Variants in ANKIB1 observed in about 807,000 individuals in gnomAD.
ANKIB1 encodes ankyrin repeat and IBR domain containing 1.
ANKIB1 carries 43 observed loss-of-function variants against 122.1 expected under a neutral mutation model. The observed-to-expected ratio is 0.35, with a 90% CI of 0.28 to 0.45. ANKIB1 has a LOEUF of 0.45. ANKIB1 is among the 20% of genes least tolerant of loss of function. The pLI is 1.00. For synonymous variants in ANKIB1, 390 were observed against 442.0 expected (o/e 0.88, Z 1.48); for missense variants, 992 against 1,329.5 (o/e 0.75, Z 3.95).
At chr7:92,267,029 T>TA (rs1415526454) in intron 1 of ANKIB1, among the ~76,000 whole-genome samples, 1 of 152,114 alleles carries the variant, frequency 6.6e-6, no homozygotes, top group African/African-American at 2.4e-5. Flanking sequence ...CTGATCTTGA[T>TA]AAACAGTCAG....
chr7:92,361,439 T>A (rs1342150105), intron 9 of ANKIB1, among the ~76,000 whole-genome samples: 2 of 152,212 alleles, frequency 1.3e-5, no homozygotes, highest in Admixed American at 6.5e-5. Flanking sequence ...TTTGGTAATT[T>A]TGATAAAATA....
At chr7:92,249,127 A>G (rs1722310824) in intron 1 of ANKIB1, among the ~76,000 whole-genome samples, 1 of 152,056 alleles carries the variant, frequency 6.6e-6, no homozygotes, top group African/African-American at 2.4e-5. Flanking sequence ...AACTCAGGTG[A>G]TCCGCCTGCC....
At chr7:92,274,876 G>A (rs1030440249) in intron 1 of ANKIB1, among the ~76,000 whole-genome samples, 7 of 152,170 alleles carry the variant, frequency 4.6e-5, no homozygotes, top group Non-Finnish European at 1.0e-4. Flanking sequence ...GCAGTGAGCT[G>A]TGATAGCACC....
At chr7:92,319,977 G>A (rs1802871933) in intron 4 of ANKIB1, 1 of 153,386 alleles carries the variant, frequency 6.5e-6, no homozygotes, top group African/African-American at 2.4e-5. Context: ...GAAACCTGGA[G>A]CTATGGGTCT....
At position 92,344,227 on chromosome 7, in the gene ANKIB1, G is replaced by A. The variant is rs146288085; in HGVS notation, c.997-751G>A. 6.0e-3 allele frequency among the ~76,000 whole-genome samples: 676 copies of A among 112,136 alleles called. 12 individuals carry two copies. The highest frequency in any genetic ancestry group is 0.022 in the African/African-American group (621 of 28,336). 73.6% of individuals were successfully genotyped at this position (112,136 alleles called of 152,430 possible). On this transcript the variant is annotated intron_variant, in intron 6 of 19. Transcript: ENST00000265742. ...TTTTTTTTTTTTTTTTTTTTGAGAC[G>A]GAGTTTCACTCTTGTTGCCGAGGCT... is the stretch of plus-strand genomic sequence containing the variant.
At chr7:92,359,700 TTCC>T (rs1803900151) in intron 9 of ANKIB1, among the ~76,000 whole-genome samples, 1 of 152,176 alleles carries the variant, frequency 6.6e-6, no homozygotes, top group African/African-American at 2.4e-5. Context: ...TGTAAAAGCG[TTCC>T]TATTTTTCCA....
At chr7:92,373,269 G>A (rs1804313293) in intron 11 of ANKIB1, among the ~76,000 whole-genome samples, 1 of 152,042 alleles carries the variant, frequency 6.6e-6, no homozygotes, top group African/African-American at 2.4e-5. Flanking sequence ...ATCTGATATA[G>A]ACTACATAGA....
chr7:92,358,402 C>G (rs1330994662), intron 9 of ANKIB1, among the ~76,000 whole-genome samples: 1 of 152,124 alleles, frequency 6.6e-6, no homozygotes, highest in East Asian at 1.9e-4. Flanking sequence ...GCTGATTGGG[C>G]TCACAACCAA....
chr7:92,246,087 G>A lies in ANKIB1; in HGVS notation c.-523G>A, dbSNP rs983338906. 2 of 282,694 alleles carry A rather than the reference G, an allele frequency of 7.1e-6. No homozygotes were observed. The highest frequency in any genetic ancestry group is 1.2e-3 in the Middle Eastern group (1 of 826). 17.5% of individuals were successfully genotyped at this position (282,694 alleles called of 1,614,324 possible). A position where few individuals can be genotyped will look rare whatever the true frequency, so the allele number is the denominator to read the frequency against. ...GGGTGGTGGCGGTGGGGGTGCCAGC[G>A]GCTGAGCCGGAGCCGGAGCCGGAGG... On this transcript the variant is annotated 5_prime_UTR_variant, in exon 1 of 20. Transcript: ENST00000265742.
At chr7:92,319,708 C>T in intron 4 of ANKIB1, 196 bp downstream of exon 4, 1 of 548,696 alleles carries the variant, frequency 1.8e-6, no homozygotes, top group Non-Finnish European at 3.0e-6. Flanking sequence ...AGTTCCAGTG[C>T]TTTGGGAGGC....
At chr7:92,253,951 T>C (rs563396497) in intron 1 of ANKIB1, among the ~76,000 whole-genome samples, 1 of 152,292 alleles carries the variant, frequency 6.6e-6, no homozygotes, top group African/African-American at 2.4e-5. Flanking sequence ...GACGAACAAA[T>C]ATGATAGAAG....
At chr7:92,304,026 T>G (rs1248390597) in intron 2 of ANKIB1, among the ~76,000 whole-genome samples, 2 of 151,988 alleles carry the variant, frequency 1.3e-5, no homozygotes, top group Admixed American at 6.6e-5. Flanking sequence ...TTCCTGTTAA[T>G]TATCTCCTAT....
In ANKIB1 at chr7:92,398,812, A is replaced by G. The variant is rs1281341548; in HGVS notation, c.3133A>G (p.Asn1045Asp). ...GATAGAAGAAAATCCTTTGGAAGAAAATATTCTGGCGGGGGAAGCAGCATC... is the reference window on the plus strand; with the variant it reads ...GATAGAAGAAAATCCTTTGGAAGAAGATATTCTGGCGGGGGAAGCAGCATC... ...TQIEENPLEE[N>D]ILAGEAASQA... Residue 1045 changes from asparagine (N) to aspartate (D), a missense_variant, in exon 20 of 20, where the codon AAT becomes GAT. Around this residue, in one of 4 missense-constraint regions of ANKIB1, gnomAD observed 384 missense variants for 412.0 expected, o/e 0.93. Transcript: ENST00000265742. The G allele has an allele frequency of 1.2e-6, 2 of 1,607,904 alleles. No homozygotes were observed. Among genetic ancestry groups the G allele is most frequent in the Admixed American group, 3.4e-5 (2 of 58,930 alleles).
chr7:92,354,217 A>G (rs1803732310), intron 9 of ANKIB1, among the ~76,000 whole-genome samples: 1 of 152,252 alleles, frequency 6.6e-6, no homozygotes, highest in Non-Finnish European at 1.5e-5. Flanking sequence ...CTCTATAAAC[A>G]TAGATGATGC....
chr7:92,258,875 TGCCCTTA>T (rs1478279888), intron 1 of ANKIB1, among the ~76,000 whole-genome samples: 1 of 152,212 alleles, frequency 6.6e-6, no homozygotes, highest in East Asian at 1.9e-4. Flanking sequence ...TGGAATTTTT[TGCCCTTA>T]GATGGAAGTA....
At chr7:92,312,048 A>T (rs1439253501) in intron 3 of ANKIB1, among the ~76,000 whole-genome samples, 3 of 152,076 alleles carry the variant, frequency 2.0e-5, no homozygotes, top group African/African-American at 7.2e-5. Flanking sequence ...TCCAGTATTG[A>T]TACCTGCACT....
chr7:92,390,200 T>C lies in ANKIB1; in HGVS notation c.2052+84T>C, dbSNP rs1804757298. 2.9e-5 allele frequency: 30 copies of C among 1,042,194 alleles called. No homozygotes were observed. In the South Asian group the frequency reaches 5.7e-4, roughly 20 times the overall value. 64.6% of individuals were successfully genotyped at this position (1,042,194 alleles called of 1,614,324 possible). ...CATTTTTGAAACCACTTGTTTTATT[T>C]AATGTGGACATGATTACTAAAACAA... On this transcript the variant is annotated intron_variant, in intron 15 of 19. Transcript: ENST00000265742.
chr7:92,260,911 G>A (rs926771982), intron 1 of ANKIB1, among the ~76,000 whole-genome samples: 1 of 152,176 alleles, frequency 6.6e-6, no homozygotes, highest in Non-Finnish European at 1.5e-5. Context: ...CTGTGAAGAA[G>A]AGTATTCCTT....
chr7:92,352,253 T>G (rs181891629), intron 8 of ANKIB1, among the ~76,000 whole-genome samples: 1 of 152,232 alleles, frequency 6.6e-6, no homozygotes, highest in Non-Finnish European at 1.5e-5. Flanking sequence ...AAACATAAAT[T>G]TTAAAAATAA....
Sources: allele counts gnomAD v4.1 joint callset (sites outside exome capture counted in the v4.1 genomes callset), GRCh38; gene constraint gnomAD v4.1.1; regional missense constraint gnomAD v4.1.1; transcripts MANE v1.5; gene names NCBI Gene and HGNC (gene_info 2026-07-23, HGNC 2026-07-21).